IL1RAPL2: variants seen among roughly 807,000 people sequenced by gnomAD.
IL1RAPL2 encodes X-linked interleukin-1 receptor accessory protein-like 2.
In IL1RAPL2, 3 loss-of-function variants were observed where a neutral mutation model predicts 44.1. That is an observed-to-expected ratio of 0.07 (90% CI 0.03 to 0.18). The LOEUF (loss-of-function observed/expected upper bound fraction) is 0.18. Ranked by LOEUF, IL1RAPL2 falls within the 10% of genes least tolerant of loss-of-function variation. The pLI is 1.00. For synonymous variants in IL1RAPL2, 181 were observed against 178.8 expected (o/e 1.01, Z -0.10); for missense variants, 391 against 496.4 (o/e 0.79, Z 2.02).
chrX:104,995,819 T>C (rs1292667043), intron 2 of IL1RAPL2, among the ~76,000 whole-genome samples: 2 of 111,803 alleles, frequency 1.8e-5, no homozygotes, highest in African/African-American at 3.2e-5. Flanking sequence ...CTTTGATCCC[T>C]CTTATCTCTT....
chrX:105,315,383 A>T lies in IL1RAPL2; in HGVS notation c.697+47842A>T, dbSNP rs903582194. Among the ~76,000 whole-genome samples the T allele has an allele frequency of 8.3e-4, 86 of 103,827 alleles. 1 individual carries two copies. The highest frequency in any genetic ancestry group is 1.4e-3 in the South Asian group (3 of 2,178). The allele number at this position is 103,827 out of a possible 115,157, so 90.2% of individuals were successfully genotyped here. ...CACATAATATTTATTACCTTTTTTTAAAAAAAAATGAGATGAAAGTCACAT... is the reference window on the plus strand; with the variant it reads ...CACATAATATTTATTACCTTTTTTTTAAAAAAAATGAGATGAAAGTCACAT... On this transcript the variant is annotated intron_variant, in intron 5 of 10. Transcript: ENST00000372582.
chrX:105,527,068 T>G (rs1475814362), intron 6 of IL1RAPL2, among the ~76,000 whole-genome samples: 1 of 111,272 alleles, frequency 9.0e-6, no homozygotes, highest in Non-Finnish European at 1.9e-5. Context: ...GGAAGAAAAC[T>G]CTCTTGAATT....
chrX:104,757,053 A>G (rs771452538), intron 2 of IL1RAPL2, among the ~76,000 whole-genome samples: 102 of 111,244 alleles, frequency 9.2e-4, no homozygotes, highest in Non-Finnish European at 1.4e-3. Flanking sequence ...GAGAGAGTGA[A>G]GCTCTGACTT....
intron 1 of IL1RAPL2, among the ~76,000 whole-genome samples, chrX:104,591,373 G>T (rs1177512264): frequency 9.0e-6 from 1 of 111,393 alleles, no homozygotes; most frequent in African/African-American, 3.3e-5. Context: ...TCCATGCCCC[G>T]CTAGCATGCA....
chrX:105,665,753 T>TTTTTTTTTTTTTTTTTTTTTTTG (rs2037759802), intron 6 of IL1RAPL2, among the ~76,000 whole-genome samples: 1 of 69,315 alleles, frequency 1.4e-5, no homozygotes, highest in Non-Finnish European at 2.8e-5. Flanking sequence ...TTTTTTTTTT[T>TTTTTTTTTTTTTTTTTTTTTTTG]TTGTTGTTGT....
At chrX:105,035,599 T>G (rs1053340570) in intron 2 of IL1RAPL2, among the ~76,000 whole-genome samples, 1 of 112,367 alleles carries the variant, frequency 8.9e-6, no homozygotes, top group African/African-American at 3.2e-5. Flanking sequence ...TATTTGACTA[T>G]GGAACTCACT....
intron 2 of IL1RAPL2, among the ~76,000 whole-genome samples, chrX:105,029,119 C>T (rs1470084404): frequency 2.8e-5 from 3 of 108,838 alleles, no homozygotes; most frequent in Non-Finnish European, 5.7e-5. Context: ...GCCCTAGACA[C>T]ATTTTTCCTT....
At chrX:105,568,730 A>G (rs1434457107) in intron 6 of IL1RAPL2, among the ~76,000 whole-genome samples, 1 of 112,285 alleles carries the variant, frequency 8.9e-6, no homozygotes, top group Non-Finnish European at 1.9e-5. Context: ...ATTGTGGAAA[A>G]TATCAACTGG....
intron 2 of IL1RAPL2, among the ~76,000 whole-genome samples, chrX:104,947,886 A>T (rs1348348031): frequency 2.7e-5 from 3 of 111,751 alleles, no homozygotes; most frequent in Non-Finnish European, 5.6e-5. Context: ...CTTAGGATTT[A>T]CTTGGTGATG....
Position 105,572,889 on chromosome X carries a change from T to C in IL1RAPL2, c.772+88502T>C, listed in dbSNP as rs190186021. ...CATCAATTTATTTAGTTTGCAGTAATTGAACATATTTTGATATTGTTGAAG... is the reference window on the plus strand; with the variant it reads ...CATCAATTTATTTAGTTTGCAGTAACTGAACATATTTTGATATTGTTGAAG... On this transcript the variant is annotated intron_variant, in intron 6 of 10. Transcript: ENST00000372582. Among the ~76,000 whole-genome samples the C allele has an allele frequency of 1.3e-4, 15 of 112,056 alleles. 1 individual carries two copies. Among genetic ancestry groups the C allele is most frequent in the Admixed American group, 9.5e-4 (10 of 10,560 alleles).
intron 5 of IL1RAPL2, among the ~76,000 whole-genome samples, chrX:105,317,053 A>G (rs779438235): frequency 2.7e-5 from 3 of 111,272 alleles, no homozygotes; most frequent in East Asian, 2.8e-4. Flanking sequence ...TTCTAATCCT[A>G]TTTTCTCATC....
intron 8 of IL1RAPL2, among the ~76,000 whole-genome samples, chrX:105,746,274 A>G (rs1293084026): frequency 8.9e-6 from 1 of 112,514 alleles, no homozygotes; most frequent in Non-Finnish European, 1.9e-5. Flanking sequence ...GGTGCCTAGA[A>G]AAAGTTACAA....
At chrX:105,417,621 C>T (rs756886399) in intron 5 of IL1RAPL2, among the ~76,000 whole-genome samples, 1 of 112,537 alleles carries the variant, frequency 8.9e-6, no homozygotes, top group South Asian at 3.7e-4. Flanking sequence ...GGGGAAAAGT[C>T]AGTGCCTCAG....
intron 5 of IL1RAPL2, among the ~76,000 whole-genome samples, chrX:105,394,663 C>T (rs2035549670): frequency 9.0e-6 from 1 of 111,230 alleles, no homozygotes; most frequent in African/African-American, 3.3e-5. Flanking sequence ...AAGACCAACC[C>T]CTCTGCAGTA....
chrX:105,219,769 G>A (rs1335281325), intron 3 of IL1RAPL2: 1 of 1,193,462 alleles, frequency 8.4e-7, no homozygotes, highest in Non-Finnish European at 1.1e-6. Flanking sequence ...CTGGAGAGAA[G>A]TGGGCAGGGC....
intron 2 of IL1RAPL2, among the ~76,000 whole-genome samples, chrX:104,816,979 G>A (rs777506136): frequency 8.9e-5 from 10 of 112,691 alleles, no homozygotes; most frequent in Non-Finnish European, 1.5e-4. Context: ...TTTATTTAAC[G>A]TATGTACATG....
At chrX:105,749,398 A>G (rs1268334770) in intron 9 of IL1RAPL2, among the ~76,000 whole-genome samples, 3 of 112,173 alleles carry the variant, frequency 2.7e-5, no homozygotes, top group Non-Finnish European at 5.6e-5. Flanking sequence ...ACAATGAGAC[A>G]TTAGTTGCTC....
intron 2 of IL1RAPL2, among the ~76,000 whole-genome samples, chrX:104,883,808 A>T (rs990191118): frequency 9.0e-6 from 1 of 111,544 alleles, no homozygotes; most frequent in African/African-American, 3.3e-5. Flanking sequence ...CCCTCCTCAG[A>T]CTAGCAGGCC....
Position 105,073,045 on chromosome X carries a change from C to T in IL1RAPL2, c.83-122430C>T, listed in dbSNP as rs866123969. ...TATGTGCCACATTTTCTTTTTTTTTCTTTTTTTTATTATTATGCTTTAAGT... is the reference window on the plus strand; with the variant it reads ...TATGTGCCACATTTTCTTTTTTTTTTTTTTTTTTATTATTATGCTTTAAGT... On this transcript the variant is annotated intron_variant, in intron 2 of 10. Coordinates refer to ENST00000372582, the MANE Select transcript of IL1RAPL2 (RefSeq NM_017416.2). Among the ~76,000 whole-genome samples, 163 of 96,578 alleles carry T rather than the reference C, an allele frequency of 1.7e-3. 1 individual carries two copies. The highest frequency in any genetic ancestry group is 6.7e-3 in the African/African-American group (157 of 23,549). The allele number at this position is 96,578 out of a possible 115,157, so 83.9% of individuals were successfully genotyped here.
Sources: gnomAD v4.1 joint callset for allele counts (sites outside exome capture counted in the v4.1 genomes callset) on GRCh38, gnomAD v4.1.1 for gene constraint, MANE v1.5 for transcripts, NCBI Gene and HGNC (gene_info 2026-07-23, HGNC 2026-07-21) for gene names.